CSMD1: variants seen among roughly 807,000 people sequenced by gnomAD.
The protein encoded by CSMD1 is CUB and sushi domain-containing protein 1.
CSMD1 carries 213 observed loss-of-function variants against 417.5 expected under a neutral mutation model. The ratio of observed to expected loss-of-function variants is 0.51; its 90% confidence interval spans 0.46 to 0.57. The LOEUF (loss-of-function observed/expected upper bound fraction) is 0.57. Among genes scored for constraint, CSMD1 ranks in the 20% least tolerant of loss-of-function variants. CSMD1 has a pLI of 0.00. For synonymous variants in CSMD1, 2,862 were observed against 1,736.8 expected (o/e 1.65, Z -16.11); for missense variants, 6,923 against 4,529.7 (o/e 1.53, Z -15.17).
At chr8:4,435,871 T>A (rs1049066526) in intron 2 of CSMD1, among the ~76,000 whole-genome samples, 13 of 152,228 alleles carry the variant, frequency 8.5e-5, no homozygotes, top group African/African-American at 3.1e-4. Flanking sequence ...TAGGACTGTG[T>A]GACCCTGAGA....
At chr8:3,744,654 C>G (rs1056832898) in intron 6 of CSMD1, among the ~76,000 whole-genome samples, 1 of 152,184 alleles carries the variant, frequency 6.6e-6, no homozygotes, top group Non-Finnish European at 1.5e-5. Flanking sequence ...AAAGCACATG[C>G]TATTTACAAG....
chr8:3,481,235 A>G (rs1335949712), intron 11 of CSMD1, among the ~76,000 whole-genome samples: 5 of 151,912 alleles, frequency 3.3e-5, no homozygotes, highest in Non-Finnish European at 7.4e-5. Context: ...TTCTTCTTGA[A>G]AAGAAATGAA....
chr8:4,835,124 G>T (rs1269501805), intron 1 of CSMD1, among the ~76,000 whole-genome samples: 1 of 151,898 alleles, frequency 6.6e-6, no homozygotes, highest in East Asian at 1.9e-4. Flanking sequence ...TATTATTAAG[G>T]CGGCAACTCT....
intron 3 of CSMD1, among the ~76,000 whole-genome samples, chr8:4,103,257 T>C (rs1027546666): frequency 2.0e-4 from 7 of 35,526 alleles, no homozygotes; most frequent in African/African-American, 5.9e-4. Context: ...GATCAGTGTA[T>C]ACATACATTA....
At position 4,773,046 on chromosome 8, in the gene CSMD1, C is replaced by A. The variant is rs568049568; in HGVS notation, c.86-135488G>T. Among the ~76,000 whole-genome samples the A allele has an allele frequency of 2.6e-5, 4 of 152,280 alleles. No individual in the cohort carries two copies. The East Asian group carries it at 7.7e-4, about 29-fold the overall frequency. On this transcript the variant is annotated intron_variant, in intron 1 of 69. Transcript: ENST00000635120. ...CTCATACAGGTTGAATATCTCTTAT[C>A]TGAAATGTTTGCCACCAGAAGTATT...
chr8:3,220,353 C>T (rs1798130642), intron 28 of CSMD1, among the ~76,000 whole-genome samples: 1 of 152,098 alleles, frequency 6.6e-6, no homozygotes, highest in South Asian at 2.1e-4. Flanking sequence ...AGTCAGTCCC[C>T]AAAGAGTGTA....
rs149891640 is a variant in CSMD1 at position 4,187,617 on chromosome 8, A to C, written c.416-155518T>G. ...CTTGAACCCAGGATGTGGAGGTTGC[A>C]GTGAGCCGAGATTGCATCACTGCAC... On this transcript the variant is annotated intron_variant, in intron 3 of 69. Coordinates refer to ENST00000635120, the MANE Select transcript of CSMD1 (RefSeq NM_033225.6). Among the ~76,000 whole-genome samples, 1,003 of 143,954 alleles carry C rather than the reference A, an allele frequency of 7.0e-3. 13 individuals are homozygous for C. Among genetic ancestry groups the C allele is most frequent in the African/African-American group, 0.025 (969 of 39,478 alleles). The allele number at this position is 143,954 out of a possible 152,430, so 94.4% of individuals were successfully genotyped here. A position where few individuals can be genotyped will look rare whatever the true frequency, so the allele number is the denominator to read the frequency against.
chr8:4,048,016 A>G (rs1282743913), intron 3 of CSMD1, among the ~76,000 whole-genome samples: 1 of 152,172 alleles, frequency 6.6e-6, no homozygotes, highest in African/African-American at 2.4e-5. Flanking sequence ...ATGAGAGATC[A>G]AACCGTTTTG....
intron 10 of CSMD1, among the ~76,000 whole-genome samples, chr8:3,494,074 T>A (rs78139563): frequency 0.017 from 2,599 of 152,340 alleles, 72 homozygotes; most frequent in African/African-American, 0.058. Context: ...ATGTTGGTTA[T>A]AGTTAATGAC....
intron 2 of CSMD1, among the ~76,000 whole-genome samples, chr8:4,531,147 A>T (rs1467497215): frequency 6.6e-6 from 1 of 152,190 alleles, no homozygotes; most frequent in Non-Finnish European, 1.5e-5. Context: ...TGTGAGTAGG[A>T]CATTTTTTGT....
At chr8:4,005,978 C>T (rs1816079494) in intron 4 of CSMD1, among the ~76,000 whole-genome samples, 1 of 152,046 alleles carries the variant, frequency 6.6e-6, no homozygotes, top group Non-Finnish European at 1.5e-5. Context: ...AAAACTAATT[C>T]TCTACTAGAA....
At chr8:3,056,511 G>A (rs1367115428) in intron 49 of CSMD1, among the ~76,000 whole-genome samples, 1 of 151,996 alleles carries the variant, frequency 6.6e-6, no homozygotes, top group African/African-American at 2.4e-5. Context: ...GGGGACTACA[G>A]GCCCAGGCCA....
chr8:3,863,758 A>G (rs1804890815), intron 5 of CSMD1, among the ~76,000 whole-genome samples: 2 of 152,234 alleles, frequency 1.3e-5, no homozygotes, highest in African/African-American at 4.8e-5. Context: ...TAAACTACCC[A>G]GAAGAGAATT....
intron 10 of CSMD1, among the ~76,000 whole-genome samples, chr8:3,494,472 T>C (rs1290270979): frequency 6.6e-6 from 1 of 152,032 alleles, no homozygotes; most frequent in Non-Finnish European, 1.5e-5. Flanking sequence ...AGAAGATAAA[T>C]ACATGATGAT....
intron 25 of CSMD1, among the ~76,000 whole-genome samples, chr8:3,289,198 T>C (rs548635010): frequency 1.4e-5 from 2 of 147,658 alleles, no homozygotes; most frequent in Non-Finnish European, 2.9e-5. Flanking sequence ...GGTGTATATG[T>C]GCCACATTTT....
chr8:4,686,389 G>A (rs777757793), intron 1 of CSMD1, among the ~76,000 whole-genome samples: 1 of 152,186 alleles, frequency 6.6e-6, no homozygotes, highest in African/African-American at 2.4e-5. Context: ...AACTGCAGAG[G>A]CAGGAAGGCC....
At chr8:4,563,885 A>T (rs763162455) in intron 2 of CSMD1, among the ~76,000 whole-genome samples, 5 of 152,144 alleles carry the variant, frequency 3.3e-5, no homozygotes, top group Non-Finnish European at 7.3e-5. Context: ...GTAACAAAAG[A>T]AGTGTCACTT....
chr8:4,055,014 A>G (rs1369088184), intron 3 of CSMD1, among the ~76,000 whole-genome samples: 1 of 152,244 alleles, frequency 6.6e-6, no homozygotes, highest in Non-Finnish European at 1.5e-5. Flanking sequence ...ATGTGTGTGA[A>G]GAAGGCGCCT....
rs1040717062 is a variant in CSMD1 at position 3,636,384 on chromosome 8, G to A, written c.1010-19587C>T. ...GTAGAGATGAGGGTTCTCCATGTTG[G>A]CTAGGCTGGTCTCAGACTCCTGACC... On this transcript the variant is annotated intron_variant, in intron 7 of 69. Transcript: ENST00000635120. Among the ~76,000 whole-genome samples, 7 of 152,210 alleles carry A rather than the reference G, an allele frequency of 4.6e-5. No homozygotes were observed. In the South Asian group the frequency reaches 1.0e-3, roughly 23 times the overall value.
Sources: gnomAD v4.1 joint callset for allele counts (sites outside exome capture counted in the v4.1 genomes callset) on GRCh38, gnomAD v4.1.1 for gene constraint, MANE v1.5 for transcripts, NCBI Gene and HGNC (gene_info 2026-07-23, HGNC 2026-07-21) for gene names.